ACTR3B: variants seen among roughly 807,000 people sequenced by gnomAD.
ACTR3B encodes the protein actin related protein 3B.
Under a neutral mutation model 59.0 loss-of-function variants are expected in ACTR3B, and 8 were observed. The observed-to-expected ratio is 0.14, with a 90% CI of 0.08 to 0.24. ACTR3B has a LOEUF of 0.24. Ranked by LOEUF, ACTR3B falls within the 10% of genes least tolerant of loss-of-function variation. ACTR3B has a pLI of 1.00. For synonymous variants in ACTR3B, 148 were observed against 197.9 expected, an observed-to-expected ratio of 0.75 and a Z score of 2.12; for missense variants, 245 against 552.3, an observed-to-expected ratio of 0.44 and a Z score of 5.58.
intron 1 of ACTR3B, among the ~76,000 whole-genome samples, chr7:152,778,199 GT>G (rs2098141060): frequency 1.4e-5 from 2 of 139,272 alleles, no homozygotes; most frequent in African/African-American, 5.3e-5. Flanking sequence ...TTTAGCTTAA[GT>G]TTTTTACTTT....
intron 11 of ACTR3B, 36 bp downstream of exon 11, chr7:152,853,613 C>T (rs371714784): frequency 1.1e-5 from 17 of 1,575,916 alleles, no homozygotes; most frequent in Middle Eastern, 1.7e-4. Flanking sequence ...TGTCTCCATT[C>T]CTGTGCTCTC....
At chr7:152,798,495 G>A (rs1369175266) in intron 2 of ACTR3B, among the ~76,000 whole-genome samples, 42 of 152,200 alleles carry the variant, frequency 2.8e-4, no homozygotes, top group Admixed American at 1.4e-3. Flanking sequence ...TCTTCACTCC[G>A]TTGATTGTTT....
At chr7:152,832,389 A>C (rs1797100444) in intron 9 of ACTR3B, among the ~76,000 whole-genome samples, 1 of 152,202 alleles carries the variant, frequency 6.6e-6, no homozygotes, top group Non-Finnish European at 1.5e-5. Flanking sequence ...AAGGTCTGCA[A>C]ATGGATGTCA....
At chr7:152,774,010 C>T (rs1388119815) in intron 1 of ACTR3B, among the ~76,000 whole-genome samples, 1 of 152,190 alleles carries the variant, frequency 6.6e-6, no homozygotes, top group Non-Finnish European at 1.5e-5. Context: ...CAGCTCTTGC[C>T]CCTGCTGTCT....
intron 9 of ACTR3B, among the ~76,000 whole-genome samples, chr7:152,834,972 G>A (rs754946678): frequency 2.0e-5 from 3 of 152,154 alleles, no homozygotes; most frequent in African/African-American, 4.8e-5. Flanking sequence ...ACTGCTGACC[G>A]CCAGAACGTC....
chr7:152,782,498 C>G (rs1048221171), intron 1 of ACTR3B, among the ~76,000 whole-genome samples: 2 of 151,656 alleles, frequency 1.3e-5, no homozygotes, highest in Non-Finnish European at 2.9e-5. Context: ...TTAGTTAAGA[C>G]TTTTGGAATC....
chr7:152,807,887 C>T (rs1019916187), intron 4 of ACTR3B, among the ~76,000 whole-genome samples: 3 of 152,042 alleles, frequency 2.0e-5, no homozygotes, highest in African/African-American at 7.2e-5. Context: ...TTCTAAAATA[C>T]ACATAACAGA....
In ACTR3B at chr7:152,822,837, A is replaced by C. The variant is rs1396060941; in HGVS notation, c.685-505A>C. Among the ~76,000 whole-genome samples the C allele has an allele frequency of 7.2e-5, 11 of 152,382 alleles. No homozygotes were observed. In the East Asian group the frequency reaches 2.1e-3, roughly 29 times the overall value. On this transcript the variant is annotated intron_variant, in intron 7 of 11. Transcript: ENST00000256001. Reference sequence around the variant, plus strand: ...GCTCCACACCAGATTAACAACCAGCAGGTTGACAGTGGCCACCCGGCTTGT... The same window carrying C: ...GCTCCACACCAGATTAACAACCAGCCGGTTGACAGTGGCCACCCGGCTTGT...
At chr7:152,766,588 C>T (rs867767850) in intron 1 of ACTR3B, among the ~76,000 whole-genome samples, 2 of 152,196 alleles carry the variant, frequency 1.3e-5, no homozygotes, top group African/African-American at 2.4e-5. Flanking sequence ...CTTTCTTCTG[C>T]ACATAGAGAA....
intron 1 of ACTR3B, among the ~76,000 whole-genome samples, chr7:152,768,138 G>A (rs926195126): frequency 5.9e-5 from 9 of 152,240 alleles, no homozygotes; most frequent in Non-Finnish European, 1.0e-4. Context: ...CAGGAGACTC[G>A]TTTGAACCTG....
chr7:152,816,135 T>C (rs1343297152), intron 5 of ACTR3B, among the ~76,000 whole-genome samples: 1 of 152,124 alleles, frequency 6.6e-6, no homozygotes, highest in African/African-American at 2.4e-5. Context: ...TTTGTAGAGA[T>C]GGGGTTTCAC....
intron 2 of ACTR3B, among the ~76,000 whole-genome samples, chr7:152,796,860 GTTTTTTTTTTTTTTTTTTTTTTTTTT>G (rs779909545): frequency 1.8e-5 from 1 of 54,738 alleles, no homozygotes; most frequent in Admixed American, 2.9e-4. Flanking sequence ...TAGTTTTTGT[GTTTTTTTTTTTTTTTTTTTTTTTTTT>G]TTTTTTTTTT....
intron 1 of ACTR3B, among the ~76,000 whole-genome samples, chr7:152,777,260 A>G (rs2098138253): frequency 6.6e-6 from 1 of 152,164 alleles, no homozygotes; most frequent in Non-Finnish European, 1.5e-5. Flanking sequence ...GTGATATTCA[A>G]TATTTCTTTA....
intron 1 of ACTR3B, among the ~76,000 whole-genome samples, chr7:152,780,643 A>G (rs2098149668): frequency 6.6e-6 from 1 of 151,380 alleles, no homozygotes; most frequent in Non-Finnish European, 1.5e-5. Context: ...TTATGATTTC[A>G]GGGTACAAAA....
chr7:152,775,827 C>T (rs1443656145), intron 1 of ACTR3B, among the ~76,000 whole-genome samples: 3 of 151,736 alleles, frequency 2.0e-5, no homozygotes, highest in African/African-American at 7.3e-5. Context: ...TGGAAAGATA[C>T]ACAGGAATAG....
chr7:152,794,017 T>C (rs1458595616), intron 2 of ACTR3B, among the ~76,000 whole-genome samples: 1 of 151,954 alleles, frequency 6.6e-6, no homozygotes, highest in Non-Finnish European at 1.5e-5. Context: ...ACATAGATTA[T>C]TTAGACAGAT....
Position 152,759,786 on chromosome 7 carries a change from G to T in ACTR3B, c.-97G>T, listed in dbSNP as rs1466248209. 6.0e-6 allele frequency: 6 copies of T among 993,748 alleles called. No homozygotes were observed. The highest frequency in any genetic ancestry group is 7.4e-6 in the Non-Finnish European group (6 of 806,748). The allele number at this position is 993,748 out of a possible 1,614,324, so 61.6% of individuals were successfully genotyped here. A position where few individuals can be genotyped will look rare whatever the true frequency, so the allele number is the denominator to read the frequency against. On this transcript the variant is annotated 5_prime_UTR_variant, in exon 1 of 12. Transcript: ENST00000256001. ...CCCGGCAGCGGCGCTGCGGCGGCTC[G>T]CGGGAGACGCTGCGCGCGGGGCTAG...
At chr7:152,825,963 G>T (rs1029345814) in intron 9 of ACTR3B, among the ~76,000 whole-genome samples, 2 of 152,178 alleles carry the variant, frequency 1.3e-5, no homozygotes, top group African/African-American at 4.8e-5. Flanking sequence ...CTGACAGCCC[G>T]AGATGGTGAG....
At chr7:152,819,005 G>A (rs561496562) in intron 6 of ACTR3B, among the ~76,000 whole-genome samples, 10 of 152,274 alleles carry the variant, frequency 6.6e-5, no homozygotes, top group African/African-American at 2.2e-4. Context: ...ACTGTCATGA[G>A]CTGATATTTA....
Sources: gnomAD v4.1 joint callset for allele counts (sites outside exome capture counted in the v4.1 genomes callset) on GRCh38, gnomAD v4.1.1 for gene constraint, MANE v1.5 for transcripts, NCBI Gene and HGNC (gene_info 2026-07-23, HGNC 2026-07-21) for gene names.